The following C1orf167 variants were observed in gnomAD, a reference collection of about 807,000 sequenced individuals.
C1orf167 encodes the protein uncharacterized protein C1orf167.
In C1orf167, 153 loss-of-function variants were observed where a neutral mutation model predicts 176.5. The ratio of observed to expected loss-of-function variants is 0.87; its 90% CI spans 0.76 to 0.99. The LOEUF (loss-of-function observed/expected upper bound fraction) is 0.99, where lower values mean the gene tolerates loss of function less well. C1orf167 is among the 50% of genes least tolerant of loss of function. C1orf167 has a pLI of 0.00. For missense variants in C1orf167, 1,490 were observed against 1,817.7 expected (o/e 0.82, Z 3.28); for synonymous variants, 594 against 752.7 (o/e 0.79, Z 3.45).
At chr1:11,767,335 G>C (rs571838464) in intron 4 of C1orf167, 71 bp downstream of exon 4, 7 of 1,218,924 alleles carry the variant, frequency 5.7e-6, no homozygotes, top group Non-Finnish European at 7.6e-6. Context: ...GCTCCCATTT[G>C]CCTGTCCAAA....
chr1:11,783,108 G>A (rs374026830), intron 14 of C1orf167, among the ~76,000 whole-genome samples: 7 of 152,046 alleles, frequency 4.6e-5, no homozygotes, highest in South Asian at 2.1e-4. Flanking sequence ...GTAAAACCAA[G>A]CAGAGGACAC....
chr1:11,769,330 AT>A (rs1413541808), intron 6 of C1orf167, among the ~76,000 whole-genome samples: 1 of 152,210 alleles, frequency 6.6e-6, no homozygotes, highest in East Asian at 1.9e-4. Flanking sequence ...CACACCTATA[AT>A]CCCAACACTT....
intron 8 of C1orf167, among the ~76,000 whole-genome samples, chr1:11,775,039 C>G (rs1643243634): frequency 6.6e-6 from 1 of 152,164 alleles, no homozygotes; most frequent in African/African-American, 2.4e-5. Context: ...AATTCCAGCA[C>G]TTTGGGAGGC....
Position 11,772,148 on chromosome 1 carries a change from C to T in C1orf167, c.1877C>T (p.Thr626Ile). The change falls in exon 8 of 21, where the codon ACC becomes ATC. Residue 626 changes from threonine (T) to isoleucine (I), a missense_variant. Transcript: ENST00000688073. The stretch of plus-strand genomic sequence containing the variant: ...GAGAGGGAGACTCTGCGGAAGGCCA[C>T]CAGGGCCACACAGAGGACAGGGAGC... ...RQERETLRKA[T>I]RATQRTGSFP... 1.5e-6 allele frequency: 2 copies of T among 1,304,324 alleles called. No homozygotes were observed. The highest frequency in any genetic ancestry group is 2.0e-6 in the Non-Finnish European group (2 of 988,946). The allele number at this position is 1,304,324 out of a possible 1,614,324, so 80.8% of individuals were successfully genotyped here.
At chr1:11,771,439 C>T (rs767739029) in intron 6 of C1orf167, 85 bp from the exon 7 acceptor site, 23 of 808,302 alleles carry the variant, frequency 2.8e-5, no homozygotes, top group African/African-American at 5.3e-5. Context: ...GCAGACCGCA[C>T]CTGCCTGGGG....
In C1orf167 at chr1:11,780,999, C is replaced by CT. The variant is rs386366239; in HGVS notation, c.2860+1011dup. Among the ~76,000 whole-genome samples the CT allele has an allele frequency of 5.9e-3, 546 of 92,748 alleles. 19 individuals are homozygous for CT. Among genetic ancestry groups the CT allele is most frequent in the East Asian group, 8.7e-3 (25 of 2,870 alleles). The allele number at this position is 92,748 out of a possible 152,430, so 60.8% of individuals were successfully genotyped here. On this transcript the variant is annotated intron_variant, in intron 13 of 20. Transcript: ENST00000688073. Reference sequence around the variant, plus strand: ...AGAGCTGTTGCATGGCCCAACCAGTCTTTTTTTTTTTTTTTTTTTTTTGAG... The same window carrying CT: ...AGAGCTGTTGCATGGCCCAACCAGTCTTTTTTTTTTTTTTTTTTTTTTTGAG...
At position 11,784,218 on chromosome 1, in the gene C1orf167, T is replaced by C. The variant is rs1315087670; in HGVS notation, c.3050T>C (p.Leu1017Pro). The change falls in exon 15 of 21, where the codon CTC becomes CCC. Residue 1017 changes from leucine to proline, a missense_variant. Coordinates refer to ENST00000688073, the MANE Select transcript of C1orf167 (RefSeq NM_001010881.2). ...GAGGTTGTAAGAGACACGGGGGTGC[T>C]CCGGGCCCAGCATCAAGCCTTTCAG... ...WCEVVRDTGV[L>P]RAQHQAFQDG... The C allele has an allele frequency of 7.8e-7, 1 of 1,278,206 alleles. No individual in the cohort carries two copies. 79.2% of individuals were successfully genotyped at this position (1,278,206 alleles called of 1,614,324 possible). A position where few individuals can be genotyped will look rare whatever the true frequency, so the allele number is the denominator to read the frequency against.
rs1570380951 is a variant in C1orf167, at chr1:11,768,018, G to A, written c.1344-59G>A. 10 of 1,199,292 alleles carry A rather than the reference G, an allele frequency of 8.3e-6. No individual in the cohort carries two copies. The highest frequency in any genetic ancestry group is 1.1e-5 in the Non-Finnish European group (10 of 934,996). 74.3% of individuals were successfully genotyped at this position (1,199,292 alleles called of 1,614,324 possible). A position where few individuals can be genotyped will look rare whatever the true frequency, so the allele number is the denominator to read the frequency against. ...CATCTCAGAGGGTATCCAGCCACTG[G>A]GCTGTCCCTGGGGATAGGAGGGCAG... is the stretch of plus-strand genomic sequence containing the variant. On this transcript the variant is annotated intron_variant, in intron 4 of 20. Transcript: ENST00000688073. This position sits in a 1 kb window ranked among gnomAD's most constrained non-coding sequence, Gnocchi z 4.5.
chr1:11,782,025 T>A (rs1024373755), intron 13 of C1orf167, among the ~76,000 whole-genome samples, 164 bp from the exon 14 acceptor site: 1 of 152,206 alleles, frequency 6.6e-6, no homozygotes, highest in Non-Finnish European at 1.5e-5. Flanking sequence ...TGGGCTGGCC[T>A]GGTCACCAGC....
At chr1:11,785,368 G>C in intron 16 of C1orf167, 79 bp downstream of exon 16, 5 of 1,194,550 alleles carry the variant, frequency 4.2e-6, no homozygotes, top group Non-Finnish European at 4.3e-6. Context: ...GGACGCCCCA[G>C]CCCCTTGGAA....
At chr1:11,774,286 A>G (rs374259277) in intron 8 of C1orf167, among the ~76,000 whole-genome samples, 2 of 152,062 alleles carry the variant, frequency 1.3e-5, no homozygotes, top group East Asian at 1.9e-4. Flanking sequence ...GGCTCAAGCA[A>G]TCCTCCCACC....
At chr1:11,783,032 G>A (rs530581251) in intron 14 of C1orf167, among the ~76,000 whole-genome samples, 5 of 152,164 alleles carry the variant, frequency 3.3e-5, no homozygotes, top group African/African-American at 1.2e-4. Flanking sequence ...TAAGAGAAGA[G>A]AGTGAAATCT....
intron 16 of C1orf167, chr1:11,786,114 A>C (rs1207606869): frequency 6.6e-6 from 1 of 152,106 alleles, no homozygotes; most frequent in Non-Finnish European, 1.5e-5. Flanking sequence ...AAATACCAAA[A>C]TTTCTTTCAT....
chr1:11,765,726 A>C, intron 2 of C1orf167, 131 bp from the exon 3 acceptor site: 1 of 865,920 alleles, frequency 1.2e-6, no homozygotes, highest in Non-Finnish European at 1.5e-6. Flanking sequence ...AGCTGGCAGA[A>C]GACCCTGGAA....
intron 16 of C1orf167, chr1:11,786,623 T>C (rs1310772199): frequency 7.9e-6 from 1 of 125,968 alleles, no homozygotes; most frequent in East Asian, 2.4e-4. Flanking sequence ...TTTTTTTTTG[T>C]AGAAATGGGA....
rs1056568369 is a variant in C1orf167 at position 11,785,387 on chromosome 1, A to AG, written c.3567+101dup. The stretch of plus-strand genomic sequence containing the variant: ...GCCCCAGCCCCTTGGAAACAGGTGA[A>AG]GGGAGCCTAGGCAGGGCGGGAGGTC... On this transcript the variant is annotated intron_variant, in intron 16 of 20. Transcript: ENST00000688073. 129 of 1,152,954 alleles carry AG rather than the reference A, an allele frequency of 1.1e-4. 1 individual carries two copies. In the South Asian group the frequency reaches 1.4e-3, roughly 12 times the overall value. 71.4% of individuals were successfully genotyped at this position (1,152,954 alleles called of 1,614,324 possible).
Position 11,769,127 on chromosome 1 carries a change from G to A in C1orf167, c.1697G>A (p.Ser566Asn), listed in dbSNP as rs773727971. Residue 566 changes from serine (S) to asparagine (N), a missense_variant and splice_region_variant, in exon 6 of 21, where the codon AGT becomes AAT. Ser to Asn is a conservative substitution (Grantham distance 46). Transcript: ENST00000688073. ...CAGAGAAGCAGGCTGGAACACACCA[G>A]GTTGGTCAGTGTTGCCTGGGAAGCC... ...PAQRSRLEHT[S>N]PGSLREEEIA... 45 of 985,794 alleles carry A rather than the reference G, an allele frequency of 4.6e-5. No homozygotes were observed. Among genetic ancestry groups the A allele is most frequent in the Non-Finnish European group, 4.9e-5 (41 of 829,990 alleles). The allele number at this position is 985,794 out of a possible 1,614,324, so 61.1% of individuals were successfully genotyped here. A position where few individuals can be genotyped will look rare whatever the true frequency, so the allele number is the denominator to read the frequency against.
chr1:11,773,704 T>A (rs1459250545), intron 8 of C1orf167, among the ~76,000 whole-genome samples: 1 of 152,062 alleles, frequency 6.6e-6, no homozygotes, highest in Non-Finnish European at 1.5e-5. Context: ...TGAGACTCCA[T>A]CTCAGAAATA....
At chr1:11,763,641 G>A (rs1642637027) in intron 1 of C1orf167, among the ~76,000 whole-genome samples, 1 of 152,190 alleles carries the variant, frequency 6.6e-6, no homozygotes, top group Non-Finnish European at 1.5e-5. Flanking sequence ...GGCATTGAGG[G>A]GGCTGGAGAG....
Sources: gnomAD v4.1 joint callset for allele counts (sites outside exome capture counted in the v4.1 genomes callset) on GRCh38, gnomAD v4.1.1 for gene constraint, Gnocchi (gnomAD v3.1) non-coding constraint, MANE v1.5 for transcripts, NCBI Gene and HGNC (gene_info 2026-07-23, HGNC 2026-07-21) for gene names.